Variants in ARHGEF15 observed in about 807,000 individuals in gnomAD.
ARHGEF15 encodes the protein Rho guanine nucleotide exchange factor 15.
In ARHGEF15, 58 loss-of-function variants were observed where a neutral mutation model predicts 79.7. The observed-to-expected ratio is 0.73, with a 90% confidence interval of 0.59 to 0.91. ARHGEF15 has a LOEUF of 0.91. Ranked by LOEUF, ARHGEF15 falls within the 40% of genes least tolerant of loss-of-function variation. The pLI is 0.00. For synonymous variants in ARHGEF15, 442 were observed against 456.0 expected (o/e 0.97, Z 0.39); for missense variants, 1,012 against 1,108.1 (o/e 0.91, Z 1.23).
intron 1 of ARHGEF15, 73 bp from the exon 2 acceptor site, chr17:8,311,918 G>C (rs1318068526): frequency 2.9e-6 from 3 of 1,037,038 alleles, no homozygotes; most frequent in South Asian, 2.0e-5. Context: ...TCAAAATCCT[G>C]CCTTCCAGTG....
At chr17:8,311,966 TTCTC>T in intron 1 of ARHGEF15, 21 bp from the exon 2 acceptor site, 1 of 1,443,814 alleles carries the variant, frequency 6.9e-7, no homozygotes. Context: ...CTAAGGGTCT[TTCTC>T]TTTCCCTCCC....
In ARHGEF15 at chr17:8,316,028, C is replaced by G; in HGVS notation, c.1584C>G (p.Asn528Lys). The part of the protein sequence containing the change: ...EETYSRLMDT[N>K]VRFSAELRRL... ...ATGCCTGCTTCTGCAGGGACACCAA[C>G]GTGCGCTTCTCCGCCGAGCTGCGCC... Residue 528 changes from asparagine to lysine, a missense_variant, in exon 9 of 16, where the codon AAC (asparagine) becomes AAG (lysine). Physicochemically the swap from Asn to Lys is moderately conservative, Grantham distance 94. This residue lies in a region of ARHGEF15 where 818 missense variants were observed against 882.5 expected (regional missense o/e 0.93). Transcript: ENST00000361926. The G allele has an allele frequency of 6.2e-7, 1 of 1,602,506 alleles. No individual in the cohort carries two copies. The highest frequency in any genetic ancestry group is 1.1e-5 in the South Asian group (1 of 91,004).
In ARHGEF15 at chr17:8,313,512, G is replaced by C; in HGVS notation, c.946G>C (p.Asp316His). 1 of 1,613,398 alleles carries C rather than the reference G, an allele frequency of 6.2e-7. No individual in the cohort carries two copies. The highest frequency in any genetic ancestry group is 8.5e-7 in the Non-Finnish European group (1 of 1,179,872). The part of the protein sequence containing the change: ...EDGIQTGDSP[D>H]EAPQNTPPAT... The stretch of plus-strand genomic sequence containing the variant: ...GCTTCTCTCTCCAGGGGACAGTCCT[G>C]ATGAAGCTCCTCAGAATACTCCTCC... Residue 316 changes from aspartate (D) to histidine (H), a missense_variant, in exon 4 of 16, where the codon GAT becomes CAT. Around this residue, in one of 3 missense-constraint regions of ARHGEF15, gnomAD observed 818 missense variants for 882.5 expected, o/e 0.93. Transcript: ENST00000361926.
At position 8,315,678 on chromosome 17, in the gene ARHGEF15, T is replaced by C; in HGVS notation, c.1422-77T>C. Reference sequence around the variant, plus strand: ...CCTTCCTTCTACGGACCCAGTTAGTTCCCAAACCTTCTCTCAAGAACCCGG... The same window carrying C: ...CCTTCCTTCTACGGACCCAGTTAGTCCCCAAACCTTCTCTCAAGAACCCGG... On this transcript the variant is annotated intron_variant, in intron 7 of 15. Transcript: ENST00000361926. The surrounding 1 kb of genome is among the most constrained non-coding windows in gnomAD (Gnocchi z 4.3). 1 of 1,589,576 alleles carries C rather than the reference T, an allele frequency of 6.3e-7. No individual in the cohort carries two copies. The highest frequency in any genetic ancestry group is 1.1e-5 in the South Asian group (1 of 88,766).
Position 8,318,617 on chromosome 17 carries a change from A to G in ARHGEF15, c.1827A>G (p.Glu609=), listed in dbSNP as rs35204656. ...AGGTGGGGCGCATGAAGCAGACTGA[A>G]GAGCTGATCCGGCTCACCCAAAGGC... ...SAEVGRMKQT[E]ELIRLTQRLR... Residue 609 remains glutamate, a synonymous_variant, in exon 11 of 16, where the codon GAA becomes GAG. Transcript: ENST00000361926. The surrounding 1 kb of genome is among the most constrained non-coding windows in gnomAD (Gnocchi z 5.0). 0.016 allele frequency: 25,699 copies of G among 1,613,772 alleles called. 264 individuals carry two copies. Among genetic ancestry groups the G allele is most frequent in the Middle Eastern group, 0.058 (354 of 6,058 alleles).
Position 8,315,676 on chromosome 17 carries a change from G to A in ARHGEF15, c.1422-79G>A. 6.3e-7 allele frequency: 1 copy of A among 1,589,838 alleles called. No homozygotes were observed. Among genetic ancestry groups the A allele is most frequent in the Non-Finnish European group, 8.6e-7 (1 of 1,169,198 alleles). ...GTCCTTCCTTCTACGGACCCAGTTA[G>A]TTCCCAAACCTTCTCTCAAGAACCC... On this transcript the variant is annotated intron_variant, in intron 7 of 15. Coordinates refer to ENST00000361926, the MANE Select transcript of ARHGEF15 (RefSeq NM_173728.4). The surrounding 1 kb of genome is among the most constrained non-coding windows in gnomAD (Gnocchi z 4.3).
intron 2 of ARHGEF15, 119 bp downstream of exon 2, chr17:8,312,759 G>T: frequency 6.3e-7 from 1 of 1,592,520 alleles, no homozygotes. Context: ...TGGGATATCT[G>T]GTTTCTGTAT....
At chr17:8,314,360 G>A (rs1904864713) in intron 4 of ARHGEF15, among the ~76,000 whole-genome samples, 1 of 152,100 alleles carries the variant, frequency 6.6e-6, no homozygotes, top group South Asian at 2.1e-4. Flanking sequence ...TAGCTTGGGC[G>A]AATGGGGGTG....
intron 4 of ARHGEF15, chr17:8,313,822 G>A (rs1443531828): frequency 2.7e-6 from 1 of 369,396 alleles, no homozygotes. Flanking sequence ...CTGAAGTCAG[G>A]AGTTCAAGAT....
In ARHGEF15 at chr17:8,312,215, C is replaced by T. The variant is rs1013087110; in HGVS notation, c.176C>T (p.Thr59Ile). ...NSNDAPTPMC[T>I]PIFWEPPAAS... ...AATGATGCACCAACCCCAATGTGCA[C>T]CCCCATCTTCTGGGAGCCCCCAGCT... Residue 59 changes from threonine (T) to isoleucine (I), a missense_variant, in exon 2 of 16, where the codon ACC becomes ATC. This residue lies in a region of ARHGEF15 where 818 missense variants were observed against 882.5 expected (regional missense o/e 0.93). Transcript: ENST00000361926. The T allele has an allele frequency of 8.2e-6, 13 of 1,577,722 alleles. No individual in the cohort carries two copies. In the South Asian group the frequency reaches 1.4e-4, roughly 17 times the overall value.
In ARHGEF15 at chr17:8,312,654, G is replaced by T; in HGVS notation, c.601+14G>T. 1 of 1,611,998 alleles carries T rather than the reference G, an allele frequency of 6.2e-7. No individual in the cohort carries two copies. Among genetic ancestry groups the T allele is most frequent in the Non-Finnish European group, 8.5e-7 (1 of 1,179,876 alleles). ...ACGGTGCTCCAGGTGAGTGTGGCGG[G>T]TGGGGGGCGCTGGGTGACCTCAATC... On this transcript the variant is annotated intron_variant, in intron 2 of 15. Transcript: ENST00000361926.
Position 8,312,004 on chromosome 17 carries a change from C to T in ARHGEF15, c.-36C>T. 6.5e-7 allele frequency: 1 copy of T among 1,529,186 alleles called. No individual in the cohort carries two copies. Among genetic ancestry groups the T allele is most frequent in the East Asian group, 2.4e-5 (1 of 42,080 alleles). 94.7% of individuals were successfully genotyped at this position (1,529,186 alleles called of 1,614,324 possible). ...CCTCCTCCTCAGGGGATGACTCCAG[C>T]AGAGCACCTCACTCCTTTGAAGAGC... On this transcript the variant is annotated 5_prime_UTR_variant, in exon 2 of 16. Coordinates refer to ENST00000361926, the MANE Select transcript of ARHGEF15 (RefSeq NM_173728.4).
In ARHGEF15 at chr17:8,315,390, A is replaced by G; in HGVS notation, c.1261-24A>G. ...CTTCCCACGGTGAACTGGGCTTCCC[A>G]CGACTGCCTGCTTTTCTTTCTAGAG... On this transcript the variant is annotated intron_variant, in intron 6 of 15. Transcript: ENST00000361926. The surrounding 1 kb of genome is among the most constrained non-coding windows in gnomAD (Gnocchi z 4.3). 1 of 1,613,822 alleles carries G rather than the reference A, an allele frequency of 6.2e-7. No individual in the cohort carries two copies.
chr17:8,315,980 G>C lies in ARHGEF15; in HGVS notation c.1575-39G>C, dbSNP rs1411590934. ...GAGGCCACAGCAGGTTGGGGCACCA[G>C]GGCCTCCAGGCAGCCGCTAGCCATG... On this transcript the variant is annotated intron_variant, in intron 8 of 15. Coordinates refer to ENST00000361926, the MANE Select transcript of ARHGEF15 (RefSeq NM_173728.4). The surrounding 1 kb of genome is among the most constrained non-coding windows in gnomAD (Gnocchi z 4.3). The C allele has an allele frequency of 6.3e-7, 1 of 1,598,948 alleles. No homozygotes were observed. Among genetic ancestry groups the C allele is most frequent in the Non-Finnish European group, 8.5e-7 (1 of 1,177,338 alleles).
chr17:8,311,535 AG>A (rs1200611870), intron 1 of ARHGEF15, among the ~76,000 whole-genome samples: 1 of 152,084 alleles, frequency 6.6e-6, no homozygotes, highest in Non-Finnish European at 1.5e-5. Flanking sequence ...CCAGTGGAGC[AG>A]GGAAACAGTG....
intron 4 of ARHGEF15, chr17:8,314,129 G>C (rs1026092223): frequency 6.6e-6 from 1 of 152,228 alleles, no homozygotes; most frequent in African/African-American, 2.4e-5. Context: ...GTGGGGATAT[G>C]ATATTGTGAA....
Position 8,312,479 on chromosome 17 carries a change from C to G in ARHGEF15, c.440C>G (p.Pro147Arg), listed in dbSNP as rs1417050466. 17 of 1,613,618 alleles carry G rather than the reference C, an allele frequency of 1.1e-5. No homozygotes were observed. Among genetic ancestry groups the G allele is most frequent in the Non-Finnish European group, 1.4e-5 (16 of 1,179,918 alleles). ...VLAQNGSASA[P>R]GTVRRLAGRF... ...GCTCAGAATGGCTCTGCCTCAGCTC[C>G]TGGCACTGTGCGGAGGCTGGCTGGC... Residue 147 changes from proline to arginine, a missense_variant, in exon 2 of 16, where the codon CCT becomes CGT. Physicochemically the swap from Pro to Arg is moderately radical, Grantham distance 103. Coordinates refer to ENST00000361926, the MANE Select transcript of ARHGEF15 (RefSeq NM_173728.4).
Position 8,318,620 on chromosome 17 carries a change from G to A in ARHGEF15, c.1830G>A (p.Glu610=). 1 of 1,613,832 alleles carries A rather than the reference G, an allele frequency of 6.2e-7. No homozygotes were observed. ...TGGGGCGCATGAAGCAGACTGAAGAGCTGATCCGGCTCACCCAAAGGCTGC... is the reference window on the plus strand; with the variant it reads ...TGGGGCGCATGAAGCAGACTGAAGAACTGATCCGGCTCACCCAAAGGCTGC... ...AEVGRMKQTE[E]LIRLTQRLRF... Residue 610 remains glutamate, a synonymous_variant, in exon 11 of 16, where the codon GAG becomes GAA. Coordinates refer to ENST00000361926, the MANE Select transcript of ARHGEF15 (RefSeq NM_173728.4). This position sits in a 1 kb window ranked among gnomAD's most constrained non-coding sequence, Gnocchi z 5.0.
Position 8,312,126 on chromosome 17 carries a change from G to A in ARHGEF15, c.87G>A (p.Arg29=). Residue 29 remains arginine, a synonymous_variant, in exon 2 of 16, where the codon AGG becomes AGA. Transcript: ENST00000361926. ...GCCCCCGCCCTCCTTCTCGTTCCAGGGCTGCCCAGTCCCCAGGGCCTCCCC... is the reference window on the plus strand; with the variant it reads ...GCCCCCGCCCTCCTTCTCGTTCCAGAGCTGCCCAGTCCCCAGGGCCTCCCC... ...IIRPRPPSRS[R]AAQSPGPPHN... 1.3e-6 allele frequency: 2 copies of A among 1,541,968 alleles called. No individual in the cohort carries two copies. The highest frequency in any genetic ancestry group is 2.4e-5 in the South Asian group (2 of 82,596).
Sources: gnomAD v4.1 joint callset for allele counts (sites outside exome capture counted in the v4.1 genomes callset) on GRCh38, gnomAD v4.1.1 for gene constraint, gnomAD v4.1.1 regional missense constraint, Gnocchi (gnomAD v3.1) non-coding constraint, MANE v1.5 for transcripts, NCBI Gene and HGNC (gene_info 2026-07-23, HGNC 2026-07-21) for gene names.